The following RLN2 variants were observed in gnomAD, a reference collection of about 807,000 sequenced individuals.
RLN2 encodes the protein prorelaxin H2.
Under a neutral mutation model 7.3 loss-of-function variants are expected in RLN2, and 10 were observed. That is an observed-to-expected ratio of 1.36 (90% CI 0.84 to 2.31). The LOEUF is 2.31. Ranked by LOEUF, RLN2 falls within the 30% of genes most tolerant of loss-of-function variation. The pLI is 0.00. For synonymous variants in RLN2, 103 were observed against 82.3 expected (o/e 1.25, Z -1.36); for missense variants, 298 against 217.6 (o/e 1.37, Z -2.32).
chr9:5,337,383 C>T, the RLN2 span, among the ~76,000 whole-genome samples: 1 of 151,974 alleles, frequency 6.6e-6, no homozygotes, highest in Non-Finnish European at 1.5e-5. Flanking sequence ...ATTTCATAAT[C>T]CATAACACTT....
chr9:5,320,552 G>T, the RLN2 span, among the ~76,000 whole-genome samples: 6 of 150,926 alleles, frequency 4.0e-5, no homozygotes, highest in Non-Finnish European at 8.9e-5. Context: ...TGTGTTTTTA[G>T]TAGAGATGGA....
At chr9:5,307,248 T>C (rs1438996963), upstream of RLN2, among the ~76,000 whole-genome samples, 2 of 135,242 alleles carry the variant, frequency 1.5e-5, no homozygotes, top group South Asian at 2.6e-4. Flanking sequence ...AGGTGATAGA[T>C]AGATGATAGA....
At chr9:5,313,844 A>G in the RLN2 span, among the ~76,000 whole-genome samples, 3 of 152,004 alleles carry the variant, frequency 2.0e-5, no homozygotes, top group Non-Finnish European at 4.4e-5. Context: ...AGAATACATT[A>G]AAGGTGTATT....
At chr9:5,318,626 T>A in the RLN2 span, among the ~76,000 whole-genome samples, 13 of 152,130 alleles carry the variant, frequency 8.5e-5, no homozygotes, top group East Asian at 2.3e-3. Flanking sequence ...AACAAGAGAA[T>A]TAACAATCTT....
the RLN2 span, among the ~76,000 whole-genome samples, chr9:5,336,190 T>A: frequency 6.6e-6 from 1 of 152,076 alleles, no homozygotes; most frequent in Non-Finnish European, 1.5e-5. Flanking sequence ...ACAATTTGTC[T>A]TCCCCAGACT....
chr9:5,306,290 T>G (rs941289415), upstream of RLN2, among the ~76,000 whole-genome samples: 1 of 151,712 alleles, frequency 6.6e-6, no homozygotes, highest in African/African-American at 2.4e-5. Flanking sequence ...GTATTTTTAT[T>G]AGAGACTGGG....
chr9:5,327,477 C>T, the RLN2 span, among the ~76,000 whole-genome samples: 3 of 152,040 alleles, frequency 2.0e-5, no homozygotes, highest in Non-Finnish European at 2.9e-5. Context: ...AGCGGCAGGG[C>T]ATAGTAGAAC....
chr9:5,311,134 G>C, the RLN2 span, among the ~76,000 whole-genome samples: 1 of 151,986 alleles, frequency 6.6e-6, no homozygotes, highest in African/African-American at 2.4e-5. Context: ...ATTGCTTCTT[G>C]ACATACCATA....
the RLN2 span, among the ~76,000 whole-genome samples, chr9:5,322,844 C>A: frequency 6.6e-6 from 1 of 151,866 alleles, no homozygotes; most frequent in East Asian, 1.9e-4. Flanking sequence ...TAGCATTTTA[C>A]CACCAAGTAG....
chr9:5,335,418 TC>T, the RLN2 span: 385 of 1,613,792 alleles, frequency 2.4e-4, 4 homozygotes, highest in Non-Finnish European at 3.1e-4. Flanking sequence ...CGAATAAGTT[TC>T]TTAAATTCTT....
At chr9:5,318,873 A>G in the RLN2 span, among the ~76,000 whole-genome samples, 8 of 151,980 alleles carry the variant, frequency 5.3e-5, no homozygotes, top group Non-Finnish European at 1.0e-4. Context: ...GATTCCAAAG[A>G]GAATAGATTT....
the RLN2 span, among the ~76,000 whole-genome samples, chr9:5,319,871 G>C: frequency 6.6e-6 from 1 of 151,832 alleles, no homozygotes; most frequent in South Asian, 2.1e-4. Context: ...TCATGTAGTA[G>C]AAAATAATAG....
At chr9:5,316,209 TATC>T in the RLN2 span, among the ~76,000 whole-genome samples, 2 of 152,052 alleles carry the variant, frequency 1.3e-5, no homozygotes, top group Admixed American at 1.3e-4. Flanking sequence ...AGTATATACT[TATC>T]ATTGACATAT....
chr9:5,335,329 C>G, the RLN2 span: 37 of 1,612,516 alleles, frequency 2.3e-5, no homozygotes, highest in Non-Finnish European at 2.5e-5. Flanking sequence ...AGGGTCGTCT[C>G]TTTTTTTGAG....
chr9:5,301,262 G>T (rs1388121081), intron 1 of RLN2, among the ~76,000 whole-genome samples: 1 of 152,186 alleles, frequency 6.6e-6, no homozygotes, highest in East Asian at 1.9e-4. Flanking sequence ...AGCATCCCAG[G>T]CTGGCCAAAT....
At chr9:5,319,221 G>T in the RLN2 span, among the ~76,000 whole-genome samples, 1 of 151,954 alleles carries the variant, frequency 6.6e-6, no homozygotes. Flanking sequence ...TTTTTGATGT[G>T]GTGACTAAGA....
At chr9:5,315,638 A>T in the RLN2 span, among the ~76,000 whole-genome samples, 4 of 152,040 alleles carry the variant, frequency 2.6e-5, no homozygotes, top group African/African-American at 9.7e-5. Context: ...GGTCCTCTCC[A>T]AGTTGCATTA....
chr9:5,313,853 T>C, the RLN2 span, among the ~76,000 whole-genome samples: 1,351 of 152,034 alleles, frequency 8.9e-3, 18 homozygotes, highest in South Asian at 0.019. Flanking sequence ...TAAAGGTGTA[T>C]TAGAAACTCT....
the RLN2 span, among the ~76,000 whole-genome samples, chr9:5,337,814 GAAATA>G: frequency 1.3e-5 from 2 of 151,896 alleles, no homozygotes; most frequent in Admixed American, 6.6e-5. Flanking sequence ...CTCTTCTAAA[GAAATA>G]AAAGTGTAGC....
Sources: gnomAD v4.1 joint callset for allele counts (sites outside exome capture counted in the v4.1 genomes callset) on GRCh38, gnomAD v4.1.1 for gene constraint, MANE v1.5 for transcripts, NCBI Gene and HGNC (gene_info 2026-07-23, HGNC 2026-07-21) for gene names.